The following SIPA1 variants were observed in gnomAD, a reference collection of about 807,000 sequenced individuals.
SIPA1 encodes signal-induced proliferation-associated 1.
SIPA1 carries 51 observed loss-of-function variants against 88.1 expected under a neutral mutation model. The ratio of observed to expected loss-of-function variants is 0.58; its 90% confidence interval spans 0.46 to 0.73. The LOEUF is 0.73. SIPA1 is among the 30% of genes least tolerant of loss of function. The pLI is 0.00. For synonymous variants in SIPA1, 681 were observed against 664.8 expected, an observed-to-expected ratio of 1.02 and a Z score of -0.37; for missense variants, 1,348 against 1,467.6, an observed-to-expected ratio of 0.92 and a Z score of 1.33.
intron 4 of SIPA1, among the ~76,000 whole-genome samples, chr11:65,643,849 C>T (rs1856055526): frequency 6.6e-6 from 1 of 152,050 alleles, no homozygotes; most frequent in South Asian, 2.1e-4. Flanking sequence ...CATTTGTTCC[C>T]GTGGACACTG....
chr11:65,643,243 CA>C (rs1253582926), intron 4 of SIPA1, among the ~76,000 whole-genome samples: 16 of 152,174 alleles, frequency 1.1e-4, no homozygotes, highest in Non-Finnish European at 1.5e-4. Flanking sequence ...AAGATATTTG[CA>C]GCCCTAGATG....
Position 65,642,490 on chromosome 11 carries a change from G to C in SIPA1, c.835G>C (p.Glu279Gln). 1.9e-6 allele frequency: 3 copies of C among 1,611,464 alleles called. No homozygotes were observed. The highest frequency in any genetic ancestry group is 2.5e-6 in the Non-Finnish European group (3 of 1,179,600). The stretch of plus-strand genomic sequence containing the variant: ...CCGGACACTCCGTGGCACCATCTCG[G>C]AGGACGCGCTGCCGCCGGGGCCCCC... The part of the protein sequence containing the change: ...QLRTLRGTIS[E>Q]DALPPGPPRG... The change falls in exon 4 of 16, where the codon GAG becomes CAG. Residue 279 changes from glutamate (E) to glutamine (Q), a missense_variant. Physicochemically the swap from Glu to Gln is conservative, Grantham distance 29. Transcript: ENST00000534313. This position sits in a 1 kb window ranked among gnomAD's most constrained non-coding sequence, Gnocchi z 6.5.
intron 10 of SIPA1, 38 bp downstream of exon 10, chr11:65,649,518 G>A: frequency 6.2e-7 from 1 of 1,613,870 alleles, no homozygotes; most frequent in Non-Finnish European, 8.5e-7. Flanking sequence ...CCAGGCCTCT[G>A]GGAAAGCGGC....
chr11:65,647,751 A>G, intron 9 of SIPA1, 93 bp downstream of exon 9: 2 of 1,034,612 alleles, frequency 1.9e-6, no homozygotes, highest in Non-Finnish European at 2.5e-6. Flanking sequence ...AGTTTCAGGA[A>G]CCCAGTGTGG....
intron 2 of SIPA1, chr11:65,641,994 G>A (rs987154097): frequency 5.3e-6 from 3 of 561,978 alleles, no homozygotes; most frequent in African/African-American, 1.9e-5. Context: ...GAATGAGGGC[G>A]TGGTGGGTGG....
At chr11:65,645,737 G>T in intron 5 of SIPA1, 117 bp from the exon 6 acceptor site, 1 of 649,350 alleles carries the variant, frequency 1.5e-6, no homozygotes, top group Non-Finnish European at 2.6e-6. Flanking sequence ...GGCATGACTG[G>T]TTGTCCACCT....
Position 65,649,101 on chromosome 11 carries a change from TGGAAAAATGGCCAGTAACC to T in SIPA1, c.2307-160_2307-142del, listed in dbSNP as rs1410692192. 4 of 590,920 alleles carry T rather than the reference TGGAAAAATGGCCAGTAACC, an allele frequency of 6.8e-6. No individual in the cohort carries two copies. The East Asian group carries it at 1.1e-4, about 17-fold the overall frequency. 36.6% of individuals were successfully genotyped at this position (590,920 alleles called of 1,614,324 possible). ...CAGCACTGGAATTTGAACCATGGTC[TGGAAAAATGGCCAGTAACC>T]AGGCAGACATTTTTCACTGTTGTCA... On this transcript the variant is annotated intron_variant, in intron 9 of 15. Coordinates refer to ENST00000534313, the MANE Select transcript of SIPA1 (RefSeq NM_006747.4).
chr11:65,647,792 C>T, intron 9 of SIPA1, 134 bp downstream of exon 9: 1 of 643,206 alleles, frequency 1.6e-6, no homozygotes, highest in Non-Finnish European at 2.2e-6. Flanking sequence ...AATCTCCCGT[C>T]TCTTAGCCCG....
chr11:65,647,181 C>A (rs1590923613), intron 8 of SIPA1, 116 bp downstream of exon 8: 1 of 1,413,270 alleles, frequency 7.1e-7, no homozygotes, highest in East Asian at 2.6e-5. Context: ...TCGAGGAGGG[C>A]AGAGCCAGCC....
rs1329270365 is a variant in SIPA1, at chr11:65,646,546, G to A, written c.1512G>A (p.Arg504=). The A allele has an allele frequency of 6.4e-7, 1 of 1,555,748 alleles. No homozygotes were observed. The highest frequency in any genetic ancestry group is 1.4e-5 in the African/African-American group (1 of 73,778). Residue 504 remains arginine (R), a synonymous_variant, in exon 8 of 16, where the codon CGG becomes CGA. Coordinates refer to ENST00000534313, the MANE Select transcript of SIPA1 (RefSeq NM_006747.4). The surrounding 1 kb of genome is among the most constrained non-coding windows in gnomAD (Gnocchi z 7.5). Reference sequence around the variant, plus strand: ...CCTTCGCAGCCAACGCCGACTTCCGGGCCTTCCTGCTGGCCAAAGCGCTGA... The same window carrying A: ...CCTTCGCAGCCAACGCCGACTTCCGAGCCTTCCTGCTGGCCAAAGCGCTGA... The part of the protein sequence containing the change: ...GGPFAANADF[R]AFLLAKALNG...
rs1855983557 is a variant in SIPA1 at position 65,640,738 on chromosome 11, C to G, written c.-91-93C>G. The G allele has an allele frequency of 9.3e-6, 5 of 539,976 alleles. No homozygotes were observed. In the South Asian group the frequency reaches 1.4e-4, roughly 15 times the overall value. The allele number at this position is 539,976 out of a possible 1,614,324, so 33.4% of individuals were successfully genotyped here. ...GCAGCTTTGATGGTCTCGGAGGGGG[C>G]CGGAAGCCAACACGGGTGGTGGAGG... On this transcript the variant is annotated intron_variant, in intron 1 of 15. Coordinates refer to ENST00000534313, the MANE Select transcript of SIPA1 (RefSeq NM_006747.4).
rs1280790144 is a variant in SIPA1 at position 65,650,697 on chromosome 11, CACCGCCG to C, written c.3115_3121del (p.Ala1039TrpfsTer32). 6.3e-7 allele frequency: 1 copy of C among 1,579,974 alleles called. No individual in the cohort carries two copies. The highest frequency in any genetic ancestry group is 1.8e-5 in the Admixed American group (1 of 55,650). ...TGGCCTCCAAGCAGCTGGGCTCACC[CACCGCCG>C]ACCTGGCCTGAGCCGTCTGGAACCA... On this transcript the variant is annotated frameshift_variant, in exon 16 of 16. Coordinates refer to ENST00000534313, the MANE Select transcript of SIPA1 (RefSeq NM_006747.4). LOFTEE classifies it high-confidence loss of function.
At chr11:65,638,843 A>G (rs1377142738) in intron 1 of SIPA1, among the ~76,000 whole-genome samples, 3 of 152,248 alleles carry the variant, frequency 2.0e-5, no homozygotes, top group Non-Finnish European at 2.9e-5. Context: ...GAGGCAGCGC[A>G]CAGGCTGGGT....
chr11:65,649,188 G>A, intron 9 of SIPA1, 74 bp from the exon 10 acceptor site: 1 of 1,094,366 alleles, frequency 9.1e-7, no homozygotes, highest in Non-Finnish European at 1.3e-6. Context: ...GAGCCTGGCG[G>A]GCTGGGGGTG....
chr11:65,650,501 G>T, intron 15 of SIPA1, 22 bp downstream of exon 15: 3 of 1,613,906 alleles, frequency 1.9e-6, no homozygotes, highest in Non-Finnish European at 2.5e-6. Context: ...GCTGAGCTTG[G>T]GGGGAGTCAC....
rs567710524 is a variant in SIPA1, at chr11:65,650,704, G to T, written c.3118G>T (p.Asp1040Tyr). Residue 1040 changes from aspartate to tyrosine, a missense_variant, in exon 16 of 16, where the codon GAC becomes TAC. Coordinates refer to ENST00000534313, the MANE Select transcript of SIPA1 (RefSeq NM_006747.4). ...CAAGCAGCTGGGCTCACCCACCGCCGACCTGGCCTGAGCCGTCTGGAACCA... is the reference window on the plus strand; with the variant it reads ...CAAGCAGCTGGGCTCACCCACCGCCTACCTGGCCTGAGCCGTCTGGAACCA... ...ASKQLGSPTA[D>Y]LA The T allele has an allele frequency of 1.5e-4, 240 of 1,577,230 alleles. No individual in the cohort carries two copies. Among genetic ancestry groups the T allele is most frequent in the Non-Finnish European group, 1.9e-4 (218 of 1,161,792 alleles).
In SIPA1 at chr11:65,650,037, C is replaced by G. The variant is rs374807704; in HGVS notation, c.2834C>G (p.Ser945Trp). 1 of 1,613,978 alleles carries G rather than the reference C, an allele frequency of 6.2e-7. No homozygotes were observed. Among genetic ancestry groups the G allele is most frequent in the Admixed American group, 1.7e-5 (1 of 60,000 alleles). The change falls in exon 13 of 16, where the codon TCG becomes TGG. Residue 945 changes from serine (S) to tryptophan (W), a missense_variant. By Grantham distance (177) the Ser-to-Trp change is radical. Around this residue, in one of 4 missense-constraint regions of SIPA1, gnomAD observed 615 missense variants for 559.8 expected, o/e 1.10. Transcript: ENST00000534313. ...IASTCNTILE[S>W]LSREGQPIPE... ...TCTACTTGCAACACCATTCTGGAGT[C>G]GCTGTCCCGAGAGGGTGAGGCCACC... is the stretch of plus-strand genomic sequence containing the variant.
chr11:65,646,358 C>A lies in SIPA1; in HGVS notation c.1401C>A (p.Cys467Ter). The A allele has an allele frequency of 6.2e-7, 1 of 1,612,140 alleles. No individual in the cohort carries two copies. The highest frequency in any genetic ancestry group is 1.3e-5 in the African/African-American group (1 of 75,044). ...VFLVVRAHTP[C>*]TPHTTYRVAV... ...TAGTGGTGCGGGCACACACACCCTGCACGCCACACACCACCTACAGGTGGG... is the reference window on the plus strand; with the variant it reads ...TAGTGGTGCGGGCACACACACCCTGAACGCCACACACCACCTACAGGTGGG... The change falls in exon 7 of 16, where the codon TGC becomes TGA. Residue 467 changes from cysteine (C) to a stop codon, truncating the protein, a stop_gained. Transcript: ENST00000534313. LOFTEE classifies it high-confidence loss of function. This position sits in a 1 kb window ranked among gnomAD's most constrained non-coding sequence, Gnocchi z 7.5.
Position 65,649,956 on chromosome 11 carries a change from C to G in SIPA1, c.2753C>G (p.Ser918Trp). ...SLRNSISRIM[S>W]EAGSGTLEDE... ...CTGCTCCTTGTGCCCACAGTCATGT[C>G]GGAGGCGGGCAGTGGGACCCTGGAG... Residue 918 changes from serine (S) to tryptophan (W), a missense_variant, in exon 13 of 16, where the codon TCG (serine) becomes TGG (tryptophan). Ser to Trp is a radical substitution (Grantham distance 177). Around this residue, in one of 4 missense-constraint regions of SIPA1, gnomAD observed 615 missense variants for 559.8 expected, o/e 1.10. Coordinates refer to ENST00000534313, the MANE Select transcript of SIPA1 (RefSeq NM_006747.4). 1 of 1,613,944 alleles carries G rather than the reference C, an allele frequency of 6.2e-7. No homozygotes were observed. The highest frequency in any genetic ancestry group is 8.5e-7 in the Non-Finnish European group (1 of 1,179,944).
Sources: gnomAD v4.1 joint callset for allele counts (sites outside exome capture counted in the v4.1 genomes callset) on GRCh38, gnomAD v4.1.1 for gene constraint, gnomAD v4.1.1 regional missense constraint, Gnocchi (gnomAD v3.1) non-coding constraint, MANE v1.5 for transcripts, NCBI Gene and HGNC (gene_info 2026-07-23, HGNC 2026-07-21) for gene names.